PHB1: variants seen among roughly 807,000 people sequenced by gnomAD.
PHB1 encodes the protein epididymis luminal protein 215.
At chr17:49,412,840 A>C in the PHB1 span, 1 of 207,958 alleles carries the variant, frequency 4.8e-6, no homozygotes. Context: ...AACAAATGAG[A>C]TCTCCATTTC....
At chr17:49,410,600 C>G in the PHB1 span, among the ~76,000 whole-genome samples, 1 of 152,182 alleles carries the variant, frequency 6.6e-6, no homozygotes, top group Non-Finnish European at 1.5e-5. Context: ...TTTACATGCT[C>G]TGGTGATTGT....
the PHB1 span, chr17:49,404,265 G>C: frequency 6.5e-6 from 1 of 152,702 alleles, no homozygotes; most frequent in African/African-American, 2.4e-5. Context: ...ACCAAGGTGG[G>C]GGGTAGAGAG....
the PHB1 span, among the ~76,000 whole-genome samples, chr17:49,408,346 C>T: frequency 1.3e-5 from 2 of 152,260 alleles, no homozygotes; most frequent in Middle Eastern, 3.2e-3. Context: ...CTTTACCTCA[C>T]TGCCCGAACA....
chr17:49,409,050 C>T, the PHB1 span: 1 of 1,595,292 alleles, frequency 6.3e-7, no homozygotes, highest in South Asian at 1.1e-5. Flanking sequence ...ACCAAGGACA[C>T]GTCATCCAGG....
the PHB1 span, among the ~76,000 whole-genome samples, chr17:49,411,147 T>A: frequency 7.9e-5 from 12 of 151,340 alleles, no homozygotes; most frequent in African/African-American, 2.9e-4. Flanking sequence ...TGAAAACAAC[T>A]GCAAAACAGT....
the PHB1 span, chr17:49,404,676 G>A: frequency 3.2e-5 from 13 of 410,090 alleles, no homozygotes; most frequent in African/African-American, 2.7e-4. Flanking sequence ...TGCCCCGCCT[G>A]CGTGCTGCCA....
chr17:49,412,336 C>T, the PHB1 span: 1 of 156,724 alleles, frequency 6.4e-6, no homozygotes, highest in South Asian at 1.9e-4. Context: ...ATAGAGCTGT[C>T]TTGGCACAGA....
chr17:49,411,819 C>T, the PHB1 span: 1 of 1,614,088 alleles, frequency 6.2e-7, no homozygotes, highest in Non-Finnish European at 8.5e-7. Context: ...TCAAAGATGA[C>T]AGCTCTGTGC....
the PHB1 span, chr17:49,409,117 C>G: frequency 2.2e-5 from 36 of 1,614,060 alleles, no homozygotes; most frequent in Middle Eastern, 5.0e-4. Flanking sequence ...GCCTGGAGAC[C>G]AGCTCTCTCT....
the PHB1 span, chr17:49,413,080 C>T: frequency 2.3e-6 from 2 of 866,756 alleles, no homozygotes; most frequent in Non-Finnish European, 3.8e-6. Context: ...AACACATTCA[C>T]TGACGGCAGC....
the PHB1 span, chr17:49,411,570 G>A: frequency 1.0e-6 from 1 of 969,564 alleles, no homozygotes; most frequent in Non-Finnish European, 1.6e-6. Context: ...ATGATGTACA[G>A]TTCAAACTCT....
At chr17:49,406,725 G>A in the PHB1 span, 2 of 1,468,218 alleles carry the variant, frequency 1.4e-6, no homozygotes, top group Non-Finnish European at 1.9e-6. Context: ...AGAAAGGGGA[G>A]AGAGAGGCTC....
chr17:49,406,765 C>T, the PHB1 span: 30 of 1,612,240 alleles, frequency 1.9e-5, no homozygotes, highest in East Asian at 2.2e-4. Flanking sequence ...TCACCTTTTC[C>T]ACCACAAATC....
chr17:49,409,533 T>G, the PHB1 span: 165 of 1,099,038 alleles, frequency 1.5e-4, no homozygotes, highest in African/African-American at 2.3e-3. Context: ...AAAACAAGTG[T>G]TTTTTTTTTG....
chr17:49,412,396 G>C, the PHB1 span, among the ~76,000 whole-genome samples: 2 of 152,302 alleles, frequency 1.3e-5, no homozygotes, highest in South Asian at 4.1e-4. Context: ...TGGCCAAAAG[G>C]ATCACAGTAC....
chr17:49,409,245 C>G, the PHB1 span: 31 of 1,586,848 alleles, frequency 2.0e-5, no homozygotes, highest in Non-Finnish European at 2.2e-5. Flanking sequence ...ACATCCCAAC[C>G]AACCCACTGC....
chr17:49,406,572 A>G, the PHB1 span, among the ~76,000 whole-genome samples: 1 of 152,248 alleles, frequency 6.6e-6, no homozygotes, highest in Non-Finnish European at 1.5e-5. Flanking sequence ...ACATAACTCC[A>G]CATATCCTTG....
the PHB1 span, chr17:49,407,086 T>C: frequency 1.9e-5 from 10 of 526,286 alleles, no homozygotes; most frequent in African/African-American, 1.9e-4. Context: ...CTCAGTACAG[T>C]GACCTCATGT....
the PHB1 span, chr17:49,413,138 T>C: frequency 6.2e-6 from 9 of 1,450,576 alleles, no homozygotes; most frequent in South Asian, 4.6e-5. Context: ...AGAAAACTCC[T>C]AGGAAAGTGC....
Sources: gnomAD v4.1 joint callset for allele counts (sites outside exome capture counted in the v4.1 genomes callset) on GRCh38, gnomAD v4.1.1 for gene constraint, MANE v1.5 for transcripts, NCBI Gene and HGNC (gene_info 2026-07-23, HGNC 2026-07-21) for gene names.